Variants in LRRTM4 observed in about 807,000 individuals in gnomAD.
LRRTM4 encodes the protein leucine-rich repeat transmembrane neuronal protein 4.
LRRTM4 carries 25 observed loss-of-function variants against 47.6 expected under a neutral mutation model. The ratio of observed to expected loss-of-function variants is 0.53; its 90% confidence interval spans 0.38 to 0.73. The LOEUF is 0.73. Ranked by LOEUF, LRRTM4 falls within the 30% of genes least tolerant of loss-of-function variation. The probability of loss-of-function intolerance (pLI) is 0.00; values close to 1 mark genes in which losing one functional copy is unlikely to be tolerated. For missense variants in LRRTM4, 638 were observed against 713.4 expected (o/e 0.89, Z 1.20); for synonymous variants, 311 against 269.5 (o/e 1.15, Z -1.51).
chr2:77,306,939 G>T (rs532753229), intron 3 of LRRTM4, among the ~76,000 whole-genome samples: 2 of 112,160 alleles, frequency 1.8e-5, no homozygotes, highest in Non-Finnish European at 3.1e-5. Flanking sequence ...TCGCTCTGTC[G>T]CCCAGGCTGG....
At chr2:77,218,147 G>A (rs567976395) in intron 3 of LRRTM4, among the ~76,000 whole-genome samples, 3 of 152,032 alleles carry the variant, frequency 2.0e-5, no homozygotes, top group South Asian at 2.1e-4. Flanking sequence ...GGCATGTGCC[G>A]CCATGCCTGA....
At chr2:77,185,458 T>C (rs955177092) in intron 3 of LRRTM4, among the ~76,000 whole-genome samples, 3 of 152,168 alleles carry the variant, frequency 2.0e-5, no homozygotes, top group Admixed American at 1.3e-4. Context: ...CGTTTACTTA[T>C]ATATCACTCC....
intron 3 of LRRTM4, among the ~76,000 whole-genome samples, chr2:77,182,071 G>T (rs927800979): frequency 2.0e-5 from 3 of 152,110 alleles, no homozygotes; most frequent in Non-Finnish European, 2.9e-5. Flanking sequence ...CCATTACTGG[G>T]TATATACCCA....
intron 3 of LRRTM4, among the ~76,000 whole-genome samples, chr2:77,081,805 T>G (rs1680543428): frequency 6.6e-6 from 1 of 152,174 alleles, no homozygotes; most frequent in Non-Finnish European, 1.5e-5. Flanking sequence ...TATTGCTGAG[T>G]CAACTAAATA....
intron 3 of LRRTM4, among the ~76,000 whole-genome samples, chr2:77,209,655 A>C (rs1674238588): frequency 1.3e-5 from 2 of 152,312 alleles, no homozygotes; most frequent in South Asian, 4.1e-4. Flanking sequence ...ATTTAGCCAA[A>C]AAATACAATG....
chr2:76,833,229 G>A lies in LRRTM4; in HGVS notation c.1552-84313C>T, dbSNP rs191668596. Among the ~76,000 whole-genome samples the A allele has an allele frequency of 5.3e-5, 8 of 152,220 alleles. 1 individual carries two copies. The East Asian group carries it at 9.6e-4, about 18-fold the overall frequency. On this transcript the variant is annotated intron_variant, in intron 3 of 3. Transcript: ENST00000409884. ...AGGGAGTGATCATAAAGGGTGAAGA[G>A]TTTTATTTTAAAGCTCCTATTTTCC...
chr2:77,060,936 A>G lies in LRRTM4; in HGVS notation c.1552-312020T>C, dbSNP rs185454712. On this transcript the variant is annotated intron_variant, in intron 3 of 3. Transcript: ENST00000409884. The stretch of plus-strand genomic sequence containing the variant: ...TCTATGCATCTGACTTTATTTTCCA[A>G]TTTAAGTACAGAATAAAAACAATAG... 2.4e-4 allele frequency among the ~76,000 whole-genome samples: 36 copies of G among 152,280 alleles called. 1 individual carries two copies. The highest frequency in any genetic ancestry group is 6.2e-4 in the South Asian group (3 of 4,828).
chr2:76,791,056 T>C (rs985773068), intron 3 of LRRTM4, among the ~76,000 whole-genome samples: 1 of 152,194 alleles, frequency 6.6e-6, no homozygotes, highest in Non-Finnish European at 1.5e-5. Flanking sequence ...ACTGGGGCTA[T>C]AACACTGGCT....
intron 3 of LRRTM4, among the ~76,000 whole-genome samples, chr2:77,183,702 C>A (rs1277382928): frequency 6.6e-6 from 1 of 151,292 alleles, no homozygotes; most frequent in Non-Finnish European, 1.5e-5. Context: ...CAATGATAGA[C>A]TGGATTAAGA....
At chr2:76,819,661 A>C (rs1295566561) in intron 3 of LRRTM4, among the ~76,000 whole-genome samples, 1 of 151,794 alleles carries the variant, frequency 6.6e-6, no homozygotes, top group Non-Finnish European at 1.5e-5. Context: ...TACTTTCTCC[A>C]CTCTTCTTAA....
chr2:76,986,521 C>T (rs939380535), intron 3 of LRRTM4, among the ~76,000 whole-genome samples: 4 of 151,874 alleles, frequency 2.6e-5, no homozygotes, highest in Admixed American at 1.3e-4. Flanking sequence ...TTTTACATTA[C>T]AGAAGACATG....
In LRRTM4 at chr2:77,519,557, T is replaced by C. The variant is rs751908003; in HGVS notation, c.312A>G (p.Ala104=). The C allele has an allele frequency of 5.0e-6, 8 of 1,613,480 alleles. No homozygotes were observed. The highest frequency in any genetic ancestry group is 6.8e-6 in the Non-Finnish European group (8 of 1,179,648). Residue 104 remains alanine, a synonymous_variant, in exon 3 of 4, where the codon GCA becomes GCG. Transcript: ENST00000409884. The surrounding 1 kb of genome is among the most constrained non-coding windows in gnomAD (Gnocchi z 4.6). ...CTTTCAGTCTACGGATCCCTTGAAA[T>C]GCATCTTCATCCACTGAGCTAATGT... ...HNYISSVDED[A]FQGIRRLKEL...
chr2:77,139,956 T>TTC (rs962552638), intron 3 of LRRTM4, among the ~76,000 whole-genome samples: 26 of 152,226 alleles, frequency 1.7e-4, no homozygotes, highest in African/African-American at 6.0e-4. Context: ...TACAAACCAC[T>TTC]TCTCAATGAA....
At chr2:76,769,715 C>T (rs1281548473) in intron 3 of LRRTM4, among the ~76,000 whole-genome samples, 1 of 151,980 alleles carries the variant, frequency 6.6e-6, no homozygotes. Context: ...ACAGGACCCC[C>T]CAGATGACTC....
intron 3 of LRRTM4, among the ~76,000 whole-genome samples, chr2:77,147,802 G>A (rs1672299486): frequency 6.6e-6 from 1 of 152,076 alleles, no homozygotes; most frequent in African/African-American, 2.4e-5. Flanking sequence ...TGTTAAGGAG[G>A]CATTTACTAG....
intron 3 of LRRTM4, among the ~76,000 whole-genome samples, chr2:77,185,782 G>A (rs1017878611): frequency 5.3e-5 from 8 of 152,178 alleles, no homozygotes; most frequent in Middle Eastern, 6.8e-3. Flanking sequence ...CCATATTTAG[G>A]TTCATGAAAA....
intron 3 of LRRTM4, among the ~76,000 whole-genome samples, chr2:76,866,533 T>C (rs936998368): frequency 1.3e-5 from 2 of 152,192 alleles, no homozygotes; most frequent in African/African-American, 4.8e-5. Flanking sequence ...AATCTTTTCC[T>C]TACAAAAGGT....
chr2:77,455,497 G>A (rs189546577), intron 3 of LRRTM4, among the ~76,000 whole-genome samples: 1 of 152,082 alleles, frequency 6.6e-6, no homozygotes, highest in Non-Finnish European at 1.5e-5. Flanking sequence ...AAATAGGCTT[G>A]CCTCCAACAT....
intron 3 of LRRTM4, among the ~76,000 whole-genome samples, chr2:77,099,969 T>A (rs1290175359): frequency 6.6e-6 from 1 of 152,124 alleles, no homozygotes; most frequent in Non-Finnish European, 1.5e-5. Flanking sequence ...TTAATAACAG[T>A]TTTTTTAATA....
Sources: allele counts gnomAD v4.1 joint callset (sites outside exome capture counted in the v4.1 genomes callset), GRCh38; gene constraint gnomAD v4.1.1; non-coding constraint Gnocchi (gnomAD v3.1); transcripts MANE v1.5; gene names NCBI Gene and HGNC (gene_info 2026-07-23, HGNC 2026-07-21).